ROR2: variants seen among roughly 807,000 people sequenced by gnomAD.
ROR2 encodes ROR family WNT receptor 2.
ROR2 carries 33 observed loss-of-function variants against 74.9 expected under a neutral mutation model. The observed-to-expected ratio is 0.44, with a 90% CI of 0.33 to 0.59. ROR2 has a LOEUF of 0.59. Among genes scored for constraint, ROR2 ranks in the 20% least tolerant of loss-of-function variants. ROR2 has a pLI of 0.02. For synonymous variants in ROR2, 586 were observed against 558.7 expected (o/e 1.05, Z -0.69); for missense variants, 1,216 against 1,313.8 (o/e 0.93, Z 1.15).
intron 1 of ROR2, among the ~76,000 whole-genome samples, chr9:91,816,259 G>A (rs1432243616): frequency 1.2e-4 from 19 of 152,084 alleles, no homozygotes; most frequent in Admixed American, 9.8e-4. Flanking sequence ...TTACCCAAAT[G>A]TTCACAGCCA....
At chr9:91,760,624 ACT>A (rs1460653901) in intron 2 of ROR2, among the ~76,000 whole-genome samples, 5 of 146,600 alleles carry the variant, frequency 3.4e-5, no homozygotes, top group African/African-American at 1.3e-4. Flanking sequence ...ACAGAGCGAG[ACT>A]CTGTCTCAAA....
intron 1 of ROR2, among the ~76,000 whole-genome samples, chr9:91,821,141 G>A (rs945804667): frequency 4.6e-5 from 7 of 150,870 alleles, no homozygotes; most frequent in South Asian, 2.1e-4. Flanking sequence ...ACACAGACAC[G>A]CACAAAGGGA....
At chr9:91,898,089 C>CCTGT (rs893819154) in intron 1 of ROR2, among the ~76,000 whole-genome samples, 1 of 152,118 alleles carries the variant, frequency 6.6e-6, no homozygotes, top group African/African-American at 2.4e-5. Context: ...CTCCCACAAG[C>CCTGT]CTGTCTACAA....
At chr9:91,766,330 T>G (rs936571027) in intron 2 of ROR2, among the ~76,000 whole-genome samples, 1 of 152,234 alleles carries the variant, frequency 6.6e-6, no homozygotes, top group Non-Finnish European at 1.5e-5. Context: ...CTACCTCAAG[T>G]GGCTTCTGCT....
At chr9:91,782,780 G>A (rs1163339657) in intron 1 of ROR2, among the ~76,000 whole-genome samples, 1 of 152,198 alleles carries the variant, frequency 6.6e-6, no homozygotes, top group Non-Finnish European at 1.5e-5. Flanking sequence ...GGCTAACCCA[G>A]AGGGGGTTCA....
At chr9:91,839,398 TGTGA>T (rs1433191321) in intron 1 of ROR2, among the ~76,000 whole-genome samples, 1 of 149,964 alleles carries the variant, frequency 6.7e-6, no homozygotes, top group Non-Finnish European at 1.5e-5. Flanking sequence ...TGGTGTGTGT[TGTGA>T]GTGTGGGTCT....
chr9:91,885,732 A>C (rs1471560402), intron 1 of ROR2, among the ~76,000 whole-genome samples: 5 of 152,240 alleles, frequency 3.3e-5, no homozygotes, highest in Non-Finnish European at 7.3e-5. Flanking sequence ...AAATCAACGA[A>C]TCAAAATACC....
At chr9:91,902,871 C>T (rs1355215177) in intron 1 of ROR2, among the ~76,000 whole-genome samples, 2 of 152,144 alleles carry the variant, frequency 1.3e-5, no homozygotes, top group African/African-American at 4.8e-5. Context: ...ACATAGACTG[C>T]ATGTTCCACT....
chr9:91,813,598 G>A (rs913662249), intron 1 of ROR2, among the ~76,000 whole-genome samples: 2 of 152,132 alleles, frequency 1.3e-5, no homozygotes, highest in East Asian at 1.9e-4. Flanking sequence ...AAACTGCAAC[G>A]CAATGTCAGA....
chr9:91,890,109 T>C (rs753635753), intron 1 of ROR2, among the ~76,000 whole-genome samples: 6 of 152,176 alleles, frequency 3.9e-5, no homozygotes, highest in Non-Finnish European at 7.3e-5. Flanking sequence ...TTAGGATGGA[T>C]TGCTCTTTTC....
intron 4 of ROR2, among the ~76,000 whole-genome samples, chr9:91,738,866 T>C (rs1825125136): frequency 6.6e-6 from 1 of 152,162 alleles, no homozygotes; most frequent in South Asian, 2.1e-4. Context: ...GGTAATCCTT[T>C]CCCAGGTCCC....
intron 4 of ROR2, among the ~76,000 whole-genome samples, chr9:91,742,954 A>G (rs1303648194): frequency 6.6e-6 from 1 of 152,150 alleles, no homozygotes; most frequent in Non-Finnish European, 1.5e-5. Flanking sequence ...ACTGTTGCCT[A>G]CAGTATTCAG....
chr9:91,761,921 T>C (rs1481813497), intron 2 of ROR2, among the ~76,000 whole-genome samples: 1 of 152,190 alleles, frequency 6.6e-6, no homozygotes, highest in African/African-American at 2.4e-5. Context: ...TTCCCTGCTA[T>C]ATAAAGCCCT....
intron 6 of ROR2, among the ~76,000 whole-genome samples, chr9:91,732,188 C>T (rs1020772049): frequency 6.6e-6 from 1 of 152,172 alleles, no homozygotes; most frequent in African/African-American, 2.4e-5. Flanking sequence ...CGGAGGTGGC[C>T]CGTTCCCTAG....
At chr9:91,940,594 C>CTTTTTT (rs570738211) in intron 1 of ROR2, among the ~76,000 whole-genome samples, 2 of 142,668 alleles carry the variant, frequency 1.4e-5, no homozygotes, top group Non-Finnish European at 3.1e-5. Context: ...ACGTGCAATT[C>CTTTTTT]TTTTTTTTTT....
chr9:91,913,849 G>A (rs977953117), intron 1 of ROR2, among the ~76,000 whole-genome samples: 1 of 152,208 alleles, frequency 6.6e-6, no homozygotes, highest in African/African-American at 2.4e-5. Flanking sequence ...TGGGGACAGA[G>A]TCTCAGTTTC....
chr9:91,855,907 G>T (rs1829267786), intron 1 of ROR2, among the ~76,000 whole-genome samples: 1 of 152,034 alleles, frequency 6.6e-6, no homozygotes, highest in Non-Finnish European at 1.5e-5. Context: ...CCACCAGAAT[G>T]ATCCTGGGGC....
At chr9:91,949,347 C>A (rs1294441594) in intron 1 of ROR2, among the ~76,000 whole-genome samples, 1 of 151,722 alleles carries the variant, frequency 6.6e-6, no homozygotes, top group Non-Finnish European at 1.5e-5. Context: ...CCCACCCCCG[C>A]CGCAAGAGCC....
At chr9:91,858,092 G>T (rs923558852) in intron 1 of ROR2, among the ~76,000 whole-genome samples, 1 of 152,108 alleles carries the variant, frequency 6.6e-6, no homozygotes, top group Non-Finnish European at 1.5e-5. Context: ...GGTTGGCCAT[G>T]GCCTGCTCCA....
Sources: gnomAD v4.1 joint callset for allele counts (sites outside exome capture counted in the v4.1 genomes callset) on GRCh38, gnomAD v4.1.1 for gene constraint, MANE v1.5 for transcripts, NCBI Gene and HGNC (gene_info 2026-07-23, HGNC 2026-07-21) for gene names.